SORCS1: variants seen among roughly 807,000 people sequenced by gnomAD.
SORCS1 encodes the protein VPS10 domain-containing receptor SorCS1.
SORCS1 carries 60 observed loss-of-function variants against 146.1 expected under a neutral mutation model. The observed-to-expected ratio is 0.41, with a 90% CI of 0.33 to 0.51. The LOEUF is 0.51. Among genes scored for constraint, SORCS1 ranks in the 20% least tolerant of loss-of-function variants. SORCS1 has a pLI of 0.21. For synonymous variants in SORCS1, 637 were observed against 584.0 expected (o/e 1.09, Z -1.31); for missense variants, 1,352 against 1,487.6 (o/e 0.91, Z 1.50).
intron 1 of SORCS1, among the ~76,000 whole-genome samples, chr10:107,036,738 C>T (rs1958923877): frequency 1.3e-5 from 2 of 152,218 alleles, no homozygotes; most frequent in South Asian, 4.1e-4. Context: ...GCGCTTCCTT[C>T]TCATCCTGCA....
At chr10:107,063,746 A>T (rs1445679150) in intron 1 of SORCS1, among the ~76,000 whole-genome samples, 2 of 152,152 alleles carry the variant, frequency 1.3e-5, no homozygotes. Context: ...GCACATGTGG[A>T]TGCAGATGGT....
chr10:107,095,793 A>G (rs1964509361), intron 1 of SORCS1, among the ~76,000 whole-genome samples: 1 of 152,122 alleles, frequency 6.6e-6, no homozygotes, highest in African/African-American at 2.4e-5. Context: ...AGGAATATTA[A>G]AAAAAAGGTT....
intron 1 of SORCS1, among the ~76,000 whole-genome samples, chr10:107,152,359 T>C (rs1214746601): frequency 6.6e-6 from 1 of 152,142 alleles, no homozygotes; most frequent in African/African-American, 2.4e-5. Flanking sequence ...AAAGTCCCCA[T>C]GGGGCACTGT....
chr10:107,099,913 T>C (rs1964800419), intron 1 of SORCS1, among the ~76,000 whole-genome samples: 1 of 152,188 alleles, frequency 6.6e-6, no homozygotes, highest in African/African-American at 2.4e-5. Flanking sequence ...ATACAGATAA[T>C]ATAACATGCA....
At chr10:106,843,446 T>TTG (rs1301142257) in intron 2 of SORCS1, among the ~76,000 whole-genome samples, 1 of 149,412 alleles carries the variant, frequency 6.7e-6, no homozygotes, top group Non-Finnish European at 1.5e-5. Flanking sequence ...TTTTTTTTTT[T>TTG]TGTGATGGAG....
At chr10:106,684,241 G>A (rs921304508) in intron 10 of SORCS1, among the ~76,000 whole-genome samples, 2 of 152,190 alleles carry the variant, frequency 1.3e-5, no homozygotes, top group African/African-American at 4.8e-5. Flanking sequence ...GGGAGGCCAA[G>A]GCAGGAGAAT....
chr10:106,921,745 G>C (rs537520219), intron 2 of SORCS1, among the ~76,000 whole-genome samples: 1 of 152,086 alleles, frequency 6.6e-6, no homozygotes, highest in African/African-American at 2.4e-5. Flanking sequence ...AAACTCTGTC[G>C]GTATTAATGC....
At chr10:106,998,024 C>A (rs1957071054) in intron 1 of SORCS1, among the ~76,000 whole-genome samples, 1 of 152,166 alleles carries the variant, frequency 6.6e-6, no homozygotes, top group African/African-American at 2.4e-5. Context: ...GAGAAGACCT[C>A]ACTTAAATGC....
At chr10:107,056,178 A>G (rs1424310249) in intron 1 of SORCS1, among the ~76,000 whole-genome samples, 6 of 152,234 alleles carry the variant, frequency 3.9e-5, no homozygotes, top group Non-Finnish European at 8.8e-5. Flanking sequence ...TAATGTGCTC[A>G]GGAATGAGAA....
At position 106,933,287 on chromosome 10, in the gene SORCS1, C is replaced by G. The variant is rs546287366; in HGVS notation, c.626+23226G>C. Among the ~76,000 whole-genome samples the G allele has an allele frequency of 5.9e-5, 9 of 152,298 alleles. No individual in the cohort carries two copies. In the South Asian group the frequency reaches 1.9e-3, roughly 32 times the overall value. On this transcript the variant is annotated intron_variant, in intron 2 of 25. Transcript: ENST00000263054. ...TAAAATCACCTGGGTAGCTTTTACACTACCTGTGTCCTGGGCTCAGTCCTA... is the reference window on the plus strand; with the variant it reads ...TAAAATCACCTGGGTAGCTTTTACAGTACCTGTGTCCTGGGCTCAGTCCTA...
the SORCS1 span, among the ~76,000 whole-genome samples, chr10:107,172,974 A>T: frequency 9.9e-5 from 15 of 152,166 alleles, no homozygotes; most frequent in Non-Finnish European, 1.8e-4. Context: ...CCACATCCAT[A>T]AGACTGTCAA....
In SORCS1 at chr10:106,728,058, A is replaced by G. The variant is rs546930740; in HGVS notation, c.1024+1992T>C. Among the ~76,000 whole-genome samples the G allele has an allele frequency of 9.9e-5, 15 of 151,322 alleles. No homozygotes were observed. In the South Asian group the frequency reaches 2.1e-3, roughly 21 times the overall value. ...GCAAGACTTTTTTTTTTTGAGACGG[A>G]GTCTGGCTCTGTCGCCAGGCTGGAG... On this transcript the variant is annotated intron_variant, in intron 6 of 25. Coordinates refer to ENST00000263054, the MANE Select transcript of SORCS1 (RefSeq NM_052918.5).
intron 1 of SORCS1, among the ~76,000 whole-genome samples, chr10:107,010,875 C>T (rs1002004824): frequency 1.3e-5 from 2 of 152,180 alleles, no homozygotes; most frequent in African/African-American, 4.8e-5. Context: ...CAGTTTCTCT[C>T]ACAGAGCTTT....
Position 107,041,202 on chromosome 10 carries a change from C to T in SORCS1, c.559-84622G>A, listed in dbSNP as rs149213860. 4.8e-3 allele frequency among the ~76,000 whole-genome samples: 734 copies of T among 152,004 alleles called. 5 individuals carry two copies. Among genetic ancestry groups the T allele is most frequent in the Non-Finnish European group, 7.3e-3 (496 of 67,952 alleles). ...AATTTAGGGAAAAAACAGTAAAATA[C>T]GATATATTTTACCACATAAATTCCC... On this transcript the variant is annotated intron_variant, in intron 1 of 25. Coordinates refer to ENST00000263054, the MANE Select transcript of SORCS1 (RefSeq NM_052918.5).
chr10:106,779,903 T>A (rs530540287), intron 3 of SORCS1, among the ~76,000 whole-genome samples: 2 of 152,218 alleles, frequency 1.3e-5, no homozygotes, highest in South Asian at 4.1e-4. Context: ...AAATTATGAT[T>A]GTTGTAATGA....
the SORCS1 span, among the ~76,000 whole-genome samples, chr10:107,173,361 A>G: frequency 6.6e-6 from 1 of 152,162 alleles, no homozygotes; most frequent in Admixed American, 6.6e-5. Flanking sequence ...ATGTGCTAAG[A>G]GAGTAGATTT....
intron 22 of SORCS1, among the ~76,000 whole-genome samples, chr10:106,610,296 T>C (rs1846891565): frequency 6.6e-6 from 1 of 151,998 alleles, no homozygotes; most frequent in African/African-American, 2.4e-5. Context: ...ACCTTGATGG[T>C]TTGACTCCAG....
At chr10:107,015,558 A>G (rs1480882075) in intron 1 of SORCS1, among the ~76,000 whole-genome samples, 3 of 152,210 alleles carry the variant, frequency 2.0e-5, no homozygotes, top group Non-Finnish European at 2.9e-5. Flanking sequence ...GAATCAAAAT[A>G]CTGAGAATTG....
At chr10:106,808,660 G>A (rs766256835) in intron 3 of SORCS1, among the ~76,000 whole-genome samples, 3 of 151,994 alleles carry the variant, frequency 2.0e-5, no homozygotes, top group Non-Finnish European at 4.4e-5. Context: ...CCGCCACCTC[G>A]CCTGGCTAAT....
Sources: gnomAD v4.1 joint callset for allele counts (sites outside exome capture counted in the v4.1 genomes callset) on GRCh38, gnomAD v4.1.1 for gene constraint, MANE v1.5 for transcripts, NCBI Gene and HGNC (gene_info 2026-07-23, HGNC 2026-07-21) for gene names.